The following NBAS variants were observed in gnomAD, a reference collection of about 807,000 sequenced individuals.
The protein encoded by NBAS is NAG/BC035112 fusion.
In NBAS, 219 loss-of-function variants were observed where a neutral mutation model predicts 302.5. The ratio of observed to expected loss-of-function variants is 0.72; its 90% confidence interval spans 0.65 to 0.81. The LOEUF (loss-of-function observed/expected upper bound fraction) is 0.81. Among genes scored for constraint, NBAS ranks in the 30% least tolerant of loss-of-function variants. The pLI is 0.00. For missense variants in NBAS, 2,932 were observed against 2,841.6 expected (o/e 1.03, Z -0.72); for synonymous variants, 1,118 against 1,021.6 (o/e 1.09, Z -1.80).
At chr2:15,466,428 G>A (rs755993376) in intron 19 of NBAS, among the ~76,000 whole-genome samples, 13 of 152,090 alleles carry the variant, frequency 8.5e-5, no homozygotes, top group African/African-American at 1.7e-4. Flanking sequence ...CCTAACCTAC[G>A]TATTACTGAA....
At chr2:15,374,797 CA>C (rs1674654159) in intron 30 of NBAS, 77 bp from the exon 31 acceptor site, 1 of 1,220,112 alleles carries the variant, frequency 8.2e-7, no homozygotes, top group East Asian at 2.4e-5. Flanking sequence ...TGAGATCTAA[CA>C]CATATTTATC....
intron 47 of NBAS, among the ~76,000 whole-genome samples, chr2:15,223,896 C>T (rs183976398): frequency 1.9e-4 from 29 of 151,724 alleles, no homozygotes; most frequent in African/African-American, 5.6e-4. Context: ...ACTACAAACA[C>T]GTAGGGAATT....
At chr2:15,230,987 C>T (rs991938437) in intron 47 of NBAS, among the ~76,000 whole-genome samples, 1 of 152,202 alleles carries the variant, frequency 6.6e-6, no homozygotes, top group African/African-American at 2.4e-5. Flanking sequence ...CCTTGTGTAT[C>T]CTGCCCTAAC....
At chr2:14,991,062 A>G in the NBAS span, among the ~76,000 whole-genome samples, 1 of 152,108 alleles carries the variant, frequency 6.6e-6, no homozygotes, top group South Asian at 2.1e-4. Context: ...ATCCATCCAC[A>G]ATCTAGAGCT....
At chr2:14,878,797 T>C in the NBAS span, among the ~76,000 whole-genome samples, 2 of 152,282 alleles carry the variant, frequency 1.3e-5, no homozygotes, top group African/African-American at 4.8e-5. Context: ...GAACCTACAG[T>C]GACACGTCAT....
the NBAS span, among the ~76,000 whole-genome samples, chr2:15,044,780 G>C: frequency 6.6e-6 from 1 of 152,182 alleles, no homozygotes; most frequent in African/African-American, 2.4e-5. Flanking sequence ...AAGAGGTGAG[G>C]AGTTACCCTA....
rs778502439 is a variant in NBAS, at chr2:15,536,493, T to G, written c.572A>C (p.Tyr191Ser). 6.2e-7 allele frequency: 1 copy of G among 1,613,288 alleles called. No homozygotes were observed. The highest frequency in any genetic ancestry group is 1.1e-5 in the South Asian group (1 of 91,082). Residue 191 changes from tyrosine (Y) to serine (S), a missense_variant, in exon 8 of 52, where the codon TAT becomes TCT. Tyr to Ser is a moderately radical substitution (Grantham distance 144). Transcript: ENST00000281513. ...YAIAGLIFLE[Y>S]KASAQWSAEL... The stretch of plus-strand genomic sequence containing the variant: ...TGCAGACCACTGTGCACTTGCTTTA[T>G]ATTCTAAAAATATCAACCCAGCAAT...
Position 15,561,299 on chromosome 2 carries a change from C to G in NBAS, c.6G>C (p.Ala2=). 1 of 1,612,736 alleles carries G rather than the reference C, an allele frequency of 6.2e-7. No individual in the cohort carries two copies. Among genetic ancestry groups the G allele is most frequent in the Non-Finnish European group, 8.5e-7 (1 of 1,179,978 alleles). ...TCAAAGCCGGCCCTGACTCGGGGGC[C>G]GCCATGTTCGCCGAGGACTCAGGCA... M[A]APESGPALSP... The change falls in exon 1 of 52, where the codon GCG becomes GCC. Residue 2 remains alanine, a synonymous_variant. Coordinates refer to ENST00000281513, the MANE Select transcript of NBAS (RefSeq NM_015909.4).
chr2:15,429,037 CA>C (rs11405002), intron 21 of NBAS, among the ~76,000 whole-genome samples: 90 of 132,492 alleles, frequency 6.8e-4, no homozygotes, highest in East Asian at 2.5e-3. Context: ...TACTCTGTCT[CA>C]AAAAAAAAAA....
the NBAS span, among the ~76,000 whole-genome samples, chr2:14,799,641 T>A: frequency 3.3e-4 from 50 of 152,300 alleles, no homozygotes; most frequent in African/African-American, 1.2e-3. Context: ...ACTGGTTCCA[T>A]CTATTACTGA....
chr2:14,886,580 G>A, the NBAS span: 1 of 152,160 alleles, frequency 6.6e-6, no homozygotes, highest in Non-Finnish European at 1.5e-5. Context: ...TAGCCCATAG[G>A]TATATGTGAG....
chr2:15,374,942 A>G (rs556226286), intron 30 of NBAS, among the ~76,000 whole-genome samples: 2 of 152,310 alleles, frequency 1.3e-5, no homozygotes, highest in South Asian at 4.1e-4. Context: ...AAACTCACAG[A>G]AGTGAAGTAA....
the NBAS span, among the ~76,000 whole-genome samples, chr2:14,813,537 G>A: frequency 6.6e-6 from 1 of 152,146 alleles, no homozygotes; most frequent in Admixed American, 6.6e-5. Context: ...CCTAGTGGAA[G>A]AAATTTCTAA....
chr2:15,541,415 C>A (rs1663811516), intron 6 of NBAS, among the ~76,000 whole-genome samples: 1 of 152,140 alleles, frequency 6.6e-6, no homozygotes, highest in Admixed American at 6.5e-5. Context: ...AATGTGAATT[C>A]TATAACGGAA....
At chr2:15,542,721 C>A (rs1663910284) in intron 6 of NBAS, among the ~76,000 whole-genome samples, 1 of 152,022 alleles carries the variant, frequency 6.6e-6, no homozygotes, top group African/African-American at 2.4e-5. Context: ...AAAAAATTGA[C>A]ATATGCACAG....
At chr2:15,010,703 G>A in the NBAS span, among the ~76,000 whole-genome samples, 60 of 152,178 alleles carry the variant, frequency 3.9e-4, no homozygotes, top group African/African-American at 1.3e-3. Flanking sequence ...TTTGTTATTC[G>A]TAAAAAATCT....
the NBAS span, among the ~76,000 whole-genome samples, chr2:14,882,826 G>T: frequency 1.3e-5 from 2 of 152,156 alleles, no homozygotes; most frequent in Non-Finnish European, 2.9e-5. Flanking sequence ...GAGCCTGATA[G>T]GTTTTTGTTA....
intron 21 of NBAS, among the ~76,000 whole-genome samples, chr2:15,431,784 G>C (rs940475253): frequency 6.6e-5 from 10 of 152,030 alleles, no homozygotes; most frequent in African/African-American, 2.4e-4. Context: ...AGCTACACTA[G>C]TAGTAATGGT....
chr2:15,459,881 A>G (rs1402632003), intron 21 of NBAS, among the ~76,000 whole-genome samples: 1 of 152,128 alleles, frequency 6.6e-6, no homozygotes, highest in African/African-American at 2.4e-5. Context: ...CTGACCTACA[A>G]CTTAAAGTAA....
Sources: allele counts gnomAD v4.1 joint callset (sites outside exome capture counted in the v4.1 genomes callset), GRCh38; gene constraint gnomAD v4.1.1; transcripts MANE v1.5; gene names NCBI Gene and HGNC (gene_info 2026-07-23, HGNC 2026-07-21).